Variants in PRH1 observed in about 807,000 individuals in gnomAD.
The protein encoded by PRH1 is proline rich protein HaeIII subfamily 1.
Under a neutral mutation model 7.9 loss-of-function variants are expected in PRH1, and 7 were observed. The ratio of observed to expected loss-of-function variants is 0.89; its 90% CI spans 0.50 to 1.67. The LOEUF (loss-of-function observed/expected upper bound fraction) is 1.67. PRH1 is among the 40% of genes most tolerant of loss of function. The pLI is 0.00. For missense variants in PRH1, 109 were observed against 223.6 expected, an observed-to-expected ratio of 0.49 and a Z score of 3.27; for synonymous variants, 45 against 80.8, an observed-to-expected ratio of 0.56 and a Z score of 2.38.
chr12:10,916,809 A>T (rs1485840820), intron 2 of PRH1, among the ~76,000 whole-genome samples: 1 of 152,114 alleles, frequency 6.6e-6, no homozygotes, highest in Non-Finnish European at 1.5e-5. Context: ...GCATTTTGGG[A>T]GGCCAAAATG....
At chr12:10,994,650 C>T (rs1359278256) in intron 1 of PRH1, among the ~76,000 whole-genome samples, 4 of 82,350 alleles carry the variant, frequency 4.9e-5, no homozygotes, top group Non-Finnish European at 1.2e-4. Flanking sequence ...TACTTCTAGA[C>T]CCCTGATAAG....
At chr12:11,085,922 A>G (rs1289518768) in intron 1 of PRH1, among the ~76,000 whole-genome samples, 2 of 119,084 alleles carry the variant, frequency 1.7e-5, no homozygotes, top group East Asian at 2.1e-4. Context: ...TAGAGTCATG[A>G]CCACTGTTGA....
rs1944524032 is a variant in PRH1 at position 11,082,306 on chromosome 12, C to T, written n.124-35118G>A. 1.8e-5 allele frequency among the ~76,000 whole-genome samples: 2 copies of T among 113,670 alleles called. 1 individual carries two copies. The highest frequency in any genetic ancestry group is 4.1e-5 in the Non-Finnish European group (2 of 48,276). The allele number at this position is 113,670 out of a possible 152,430, so 74.6% of individuals were successfully genotyped here. A position where few individuals can be genotyped will look rare whatever the true frequency, so the allele number is the denominator to read the frequency against. On this transcript the variant is annotated intron_variant and non_coding_transcript_variant, in intron 1 of 4. Transcript: ENST00000541977. ...ACACTATTATTCTTCCTCATAGATA[C>T]ACAATTTTTTTTTTCGAGATGGAAA...
At chr12:11,085,388 ATTC>A (rs1463731939) in intron 1 of PRH1, among the ~76,000 whole-genome samples, 4 of 131,048 alleles carry the variant, frequency 3.1e-5, no homozygotes, top group Non-Finnish European at 6.8e-5. Flanking sequence ...GAAAATACAA[ATTC>A]TACCATTACT....
chr12:11,171,595 A>ATG, upstream of PRH1: 1 of 1,224,088 alleles, frequency 8.2e-7, no homozygotes, highest in Non-Finnish European at 1.0e-6. Context: ...CTCCGGGGCC[A>ATG]GCATGATGGC....
At chr12:11,112,259 T>C (rs1348128482) in intron 1 of PRH1, among the ~76,000 whole-genome samples, 1 of 152,274 alleles carries the variant, frequency 6.6e-6, no homozygotes, top group East Asian at 1.9e-4. Flanking sequence ...TCTGAAACTA[T>C]TCAAAACACT....
intron 1 of PRH1, among the ~76,000 whole-genome samples, chr12:11,012,627 G>A (rs1941115326): frequency 6.6e-6 from 1 of 152,056 alleles, no homozygotes; most frequent in African/African-American, 2.4e-5. Context: ...TGCAGTGGTA[G>A]TTCACTACAG....
intron 1 of PRH1, among the ~76,000 whole-genome samples, chr12:11,157,582 G>A (rs1187358853): frequency 2.0e-5 from 3 of 152,064 alleles, no homozygotes; most frequent in Admixed American, 1.3e-4. Flanking sequence ...AATATTTCTG[G>A]TAGTTAGCCT....
intron 1 of PRH1, chr12:11,133,360 C>T: frequency 2.5e-6 from 4 of 1,613,830 alleles, no homozygotes; most frequent in Non-Finnish European, 3.4e-6. Context: ...ACCTCACATG[C>T]CGCAAAACTG....
chr12:10,923,607 A>G (rs1224342187), intron 2 of PRH1, among the ~76,000 whole-genome samples: 1 of 152,256 alleles, frequency 6.6e-6, no homozygotes, highest in African/African-American at 2.4e-5. Context: ...TAAAAAATAC[A>G]TAGGAAAGTT....
chr12:10,927,899 G>C (rs1950145287), intron 2 of PRH1, among the ~76,000 whole-genome samples: 1 of 152,126 alleles, frequency 6.6e-6, no homozygotes, highest in South Asian at 2.1e-4. Context: ...GGAATTTCTA[G>C]GTATCACAGA....
chr12:11,104,750 TG>T (rs1193641648), intron 1 of PRH1, among the ~76,000 whole-genome samples: 1 of 152,128 alleles, frequency 6.6e-6, no homozygotes, highest in Non-Finnish European at 1.5e-5. Flanking sequence ...GCCGAAATGA[TG>T]GCACAGATTT....
intron 1 of PRH1, among the ~76,000 whole-genome samples, chr12:11,150,536 T>A (rs1317461662): frequency 6.6e-6 from 1 of 152,076 alleles, no homozygotes; most frequent in East Asian, 1.9e-4. Context: ...TGGATGAAAT[T>A]GGAAATCATC....
intron 1 of PRH1, among the ~76,000 whole-genome samples, chr12:11,063,073 C>T (rs1032022384): frequency 3.9e-5 from 6 of 152,088 alleles, no homozygotes; most frequent in Admixed American, 1.3e-4. Context: ...GGGCTTTCAG[C>T]TCATGAATAA....
intron 1 of PRH1, among the ~76,000 whole-genome samples, chr12:10,988,246 T>C (rs1939749868): frequency 6.6e-6 from 1 of 152,088 alleles, no homozygotes; most frequent in East Asian, 1.9e-4. Context: ...GTTTCTCTAG[T>C]AGAAAAACCT....
At chr12:11,014,696 T>A (rs1222955449) in intron 1 of PRH1, among the ~76,000 whole-genome samples, 12 of 152,118 alleles carry the variant, frequency 7.9e-5, no homozygotes, top group South Asian at 4.2e-4. Flanking sequence ...TTGAAAAGGA[T>A]GCTGAAAATT....
At chr12:10,920,127 C>A (rs1950026234) in intron 2 of PRH1, among the ~76,000 whole-genome samples, 1 of 151,986 alleles carries the variant, frequency 6.6e-6, no homozygotes, top group South Asian at 2.1e-4. Context: ...TGCCTTAACT[C>A]AAGTGATCTT....
intron 1 of PRH1, among the ~76,000 whole-genome samples, chr12:11,169,428 C>T (rs1392726500): frequency 6.6e-6 from 1 of 152,126 alleles, no homozygotes; most frequent in Non-Finnish European, 1.5e-5. Flanking sequence ...TTTGCCTATT[C>T]CCGTCCCATT....
At chr12:11,023,917 C>T (rs570350745) in intron 1 of PRH1, among the ~76,000 whole-genome samples, 10 of 152,278 alleles carry the variant, frequency 6.6e-5, no homozygotes, top group African/African-American at 2.4e-4. Flanking sequence ...TGTAGGTATT[C>T]TGCTAAATCA....
Sources: gnomAD v4.1 joint callset for allele counts (sites outside exome capture counted in the v4.1 genomes callset) on GRCh38, gnomAD v4.1.1 for gene constraint, MANE v1.5 for transcripts, NCBI Gene and HGNC (gene_info 2026-07-23, HGNC 2026-07-21) for gene names.